The following KCNJ10 variants were observed in gnomAD, a reference collection of about 807,000 sequenced individuals.
The protein encoded by KCNJ10 is potassium inwardly rectifying channel subfamily J member 10.
KCNJ10 carries 9 observed loss-of-function variants against 22.2 expected under a neutral mutation model. That is an observed-to-expected ratio of 0.40 (90% CI 0.24 to 0.71). The LOEUF (loss-of-function observed/expected upper bound fraction) is 0.71. KCNJ10 is among the 30% of genes least tolerant of loss of function. The probability of loss-of-function intolerance (pLI) is 0.35; values close to 1 mark genes in which losing one functional copy is unlikely to be tolerated. For missense variants in KCNJ10, 337 were observed against 482.7 expected, an observed-to-expected ratio of 0.70 and a Z score of 2.83; for synonymous variants, 184 against 187.3, an observed-to-expected ratio of 0.98 and a Z score of 0.15.
intron 1 of KCNJ10, among the ~76,000 whole-genome samples, chr1:160,047,174 T>C (rs888034531): frequency 2.0e-5 from 3 of 152,252 alleles, no homozygotes; most frequent in African/African-American, 7.2e-5. Context: ...GAGTCATTTA[T>C]TCTCCAGGAT....
chr1:160,045,068 G>A (rs926020711), intron 1 of KCNJ10, among the ~76,000 whole-genome samples: 2 of 152,136 alleles, frequency 1.3e-5, no homozygotes, highest in African/African-American at 4.8e-5. Flanking sequence ...TTGACAAATC[G>A]AAGAAGTGCA....
rs1015805945 is a variant in KCNJ10 at position 160,039,734 on chromosome 1, C to G, written c.*1659G>C. On this transcript the variant is annotated 3_prime_UTR_variant, in exon 2 of 2. Coordinates refer to ENST00000644903, the MANE Select transcript of KCNJ10 (RefSeq NM_002241.5). ...AAATTTTGTGTTTCTCTGCAAGGCTCTGTACATAGATGCATGTATATATTC... is the reference window on the plus strand; with the variant it reads ...AAATTTTGTGTTTCTCTGCAAGGCTGTGTACATAGATGCATGTATATATTC... 3.9e-5 allele frequency: 6 copies of G among 152,250 alleles called. No individual in the cohort carries two copies. Among genetic ancestry groups the G allele is most frequent in the Admixed American group, 2.6e-4 (4 of 15,282 alleles). 9.4% of individuals were successfully genotyped at this position (152,250 alleles called of 1,614,324 possible). A position where few individuals can be genotyped will look rare whatever the true frequency, so the allele number is the denominator to read the frequency against.
At chr1:160,043,818 C>A (rs1037688828) in intron 1 of KCNJ10, among the ~76,000 whole-genome samples, 1 of 152,214 alleles carries the variant, frequency 6.6e-6, no homozygotes, top group Non-Finnish European at 1.5e-5. Context: ...ATACAAGGTG[C>A]CTGGCACCCT....
At position 160,041,721 on chromosome 1, in the gene KCNJ10, C is replaced by A; in HGVS notation, c.812G>T (p.Arg271Leu). 1 of 1,613,898 alleles carries A rather than the reference C, an allele frequency of 6.2e-7. No homozygotes were observed. Among genetic ancestry groups the A allele is most frequent in the Non-Finnish European group, 8.5e-7 (1 of 1,179,926 alleles). ...CAGCTCAAAGTCACCCTCACCACTG[C>A]GAAGAGGGAGATCTTTCAAGGGACT... is the stretch of plus-strand genomic sequence containing the variant. Reference protein sequence around the residue: ...ETSPLKDLPLRSGEGDFELVL... With the variant: ...ETSPLKDLPLLSGEGDFELVL... The change falls in exon 2 of 2, where the codon CGC becomes CTC. Residue 271 changes from arginine to leucine, a missense_variant. Physicochemically the swap from Arg to Leu is moderately radical, Grantham distance 102 (BLOSUM62 -2). Coordinates refer to ENST00000644903, the MANE Select transcript of KCNJ10 (RefSeq NM_002241.5). This position sits in a 1 kb window ranked among gnomAD's most constrained non-coding sequence, Gnocchi z 4.4.
At position 160,039,112 on chromosome 1, in the gene KCNJ10, G is replaced by C. The variant is rs1345857076; in HGVS notation, c.*2281C>G. 2 of 152,726 alleles carry C rather than the reference G, an allele frequency of 1.3e-5. No individual in the cohort carries two copies. The highest frequency in any genetic ancestry group is 2.4e-5 in the African/African-American group (1 of 41,444). The allele number at this position is 152,726 out of a possible 1,614,324, so 9.5% of individuals were successfully genotyped here. On this transcript the variant is annotated 3_prime_UTR_variant, in exon 2 of 2. Transcript: ENST00000644903. ...TTAAGGTAGGGGGTAGTTGTTCCCT[G>C]TAGGGGGCTTGTGGGAGAAGATGCC...
chr1:160,065,297 C>A (rs376235869), intron 1 of KCNJ10, among the ~76,000 whole-genome samples: 1 of 152,100 alleles, frequency 6.6e-6, no homozygotes, highest in Non-Finnish European at 1.5e-5. Context: ...CAAGAATAAG[C>A]GATCAGAAAT....
At chr1:160,059,166 AG>A (rs1377779692) in intron 1 of KCNJ10, among the ~76,000 whole-genome samples, 3 of 152,214 alleles carry the variant, frequency 2.0e-5, no homozygotes, top group Non-Finnish European at 4.4e-5. Context: ...ACTGCTCGTA[AG>A]GGGTGCACTG....
At chr1:160,049,990 T>G (rs1307371543) in intron 1 of KCNJ10, among the ~76,000 whole-genome samples, 1 of 151,894 alleles carries the variant, frequency 6.6e-6, no homozygotes, top group Non-Finnish European at 1.5e-5. Context: ...AATGATGTTT[T>G]CTTTTTTCCT....
In KCNJ10 at chr1:160,041,857, C is replaced by T; in HGVS notation, c.676G>A (p.Gly226Arg). ...KLLQTHQTKE[G>R]ENIRLNQVNV... ...ACCTGGTTGAGCCGGATGTTCTCCCCTTCCTTGGTTTGGTGGGTCTGAAGC... is the reference window on the plus strand; with the variant it reads ...ACCTGGTTGAGCCGGATGTTCTCCCTTTCCTTGGTTTGGTGGGTCTGAAGC... Residue 226 changes from glycine to arginine, a missense_variant, in exon 2 of 2, where the codon GGG becomes AGG. Gly to Arg is a moderately radical substitution (Grantham distance 125). Coordinates refer to ENST00000644903, the MANE Select transcript of KCNJ10 (RefSeq NM_002241.5). This position sits in a 1 kb window ranked among gnomAD's most constrained non-coding sequence, Gnocchi z 4.4. 4.3e-6 allele frequency: 7 copies of T among 1,614,232 alleles called. No individual in the cohort carries two copies. Among genetic ancestry groups the T allele is most frequent in the Non-Finnish European group, 5.9e-6 (7 of 1,180,038 alleles).
intron 1 of KCNJ10, among the ~76,000 whole-genome samples, chr1:160,064,527 T>G (rs977097101): frequency 6.6e-6 from 1 of 152,202 alleles, no homozygotes; most frequent in East Asian, 1.9e-4. Context: ...ATGCAAAAAT[T>G]AATAATTATT....
chr1:160,049,675 TTATATATATATATA>T lies in KCNJ10; in HGVS notation c.1-7157_1-7144del, dbSNP rs57790887. On this transcript the variant is annotated intron_variant, in intron 1 of 1. Coordinates refer to ENST00000644903, the MANE Select transcript of KCNJ10 (RefSeq NM_002241.5). ...AAGAAGGATCCAGCATTTTATTTAT[TTATATATATATATA>T]TATATATATATATATATATATATAT... 4.0e-3 allele frequency among the ~76,000 whole-genome samples: 188 copies of T among 47,120 alleles called. 5 individuals are homozygous for T. The highest frequency in any genetic ancestry group is 9.2e-3 in the African/African-American group (129 of 14,096). 30.9% of individuals were successfully genotyped at this position (47,120 alleles called of 152,430 possible).
At chr1:160,062,009 G>A (rs980460429) in intron 1 of KCNJ10, among the ~76,000 whole-genome samples, 2 of 151,934 alleles carry the variant, frequency 1.3e-5, no homozygotes, top group African/African-American at 2.4e-5. Context: ...ACGGAACCGA[G>A]AAGTGGGCAG....
At position 160,066,061 on chromosome 1, in the gene KCNJ10, C is replaced by T. The variant is rs79165349; in HGVS notation, c.-1+3961G>A. Among the ~76,000 whole-genome samples, 434 of 152,106 alleles carry T rather than the reference C, an allele frequency of 2.9e-3. 3 individuals are homozygous for T. Among genetic ancestry groups the T allele is most frequent in the Middle Eastern group, 0.014 (4 of 294 alleles). Reference sequence around the variant, plus strand: ...AAGAATACAAGAGCGATAGGCAGGACCATGGGAGCAGGAATGAGATGTGGG... The same window carrying T: ...AAGAATACAAGAGCGATAGGCAGGATCATGGGAGCAGGAATGAGATGTGGG... On this transcript the variant is annotated intron_variant, in intron 1 of 1. Transcript: ENST00000644903.
intron 1 of KCNJ10, among the ~76,000 whole-genome samples, chr1:160,044,461 GA>G (rs964043930): frequency 1.1e-4 from 17 of 151,422 alleles, no homozygotes; most frequent in Non-Finnish European, 2.4e-4. Flanking sequence ...TCAAACTCTT[GA>G]AAAAAAAGAT....
chr1:160,068,980 A>C (rs1433417439), intron 1 of KCNJ10, among the ~76,000 whole-genome samples: 1 of 152,150 alleles, frequency 6.6e-6, no homozygotes, highest in Non-Finnish European at 1.5e-5. Flanking sequence ...GAGAAAAAAA[A>C]TTCAAACACC....
At chr1:160,049,689 A>T (rs986817554) in intron 1 of KCNJ10, among the ~76,000 whole-genome samples, 43 of 108,532 alleles carry the variant, frequency 4.0e-4, no homozygotes, top group Non-Finnish European at 5.8e-4. Context: ...ATATATATAT[A>T]TATATATATA....
chr1:160,041,779 G>A lies in KCNJ10; in HGVS notation c.754C>T (p.Pro252Ser). 1.9e-6 allele frequency: 3 copies of A among 1,614,200 alleles called. No individual in the cohort carries two copies. Among genetic ancestry groups the A allele is most frequent in the Non-Finnish European group, 2.5e-6 (3 of 1,180,026 alleles). Residue 252 changes from proline (P) to serine (S), a missense_variant, in exon 2 of 2, where the codon CCC becomes TCC. Coordinates refer to ENST00000644903, the MANE Select transcript of KCNJ10 (RefSeq NM_002241.5). This position sits in a 1 kb window ranked among gnomAD's most constrained non-coding sequence, Gnocchi z 4.4. ...TCTACCACATGATAGAAGGTAAGGG[G>A]TAGAATAAGGAAGGGGCTGTCAGAG... Reference protein sequence around the residue: ...TASDSPFLILPLTFYHVVDET... With the variant: ...TASDSPFLILSLTFYHVVDET...
At position 160,042,227 on chromosome 1, in the gene KCNJ10, CG is replaced by C. The variant is rs765409185; in HGVS notation, c.305del (p.Pro102ArgfsTer96). On this transcript the variant is annotated frameshift_variant, in exon 2 of 2. Transcript: ENST00000644903. LOFTEE classifies it high-confidence loss of function. The part of the protein sequence containing the change: ...AHGDLLELDP[P>X]ANHTPCVVQV... ...GTACCACACAGGGGGTGTGGTTGGC[CG>C]GGGGGTCCAGCTCCAGCAGGTCCCC... The C allele has an allele frequency of 2.5e-6, 4 of 1,613,538 alleles. No individual in the cohort carries two copies. The highest frequency in any genetic ancestry group is 1.3e-5 in the African/African-American group (1 of 74,976).
At chr1:160,059,554 C>T (rs1649134111) in intron 1 of KCNJ10, among the ~76,000 whole-genome samples, 2 of 152,186 alleles carry the variant, frequency 1.3e-5, no homozygotes, top group Non-Finnish European at 2.9e-5. Flanking sequence ...CAGCCACAGC[C>T]CATTATCTTC....
Sources: gnomAD v4.1 joint callset for allele counts (sites outside exome capture counted in the v4.1 genomes callset) on GRCh38, gnomAD v4.1.1 for gene constraint, Gnocchi (gnomAD v3.1) non-coding constraint, MANE v1.5 for transcripts, NCBI Gene and HGNC (gene_info 2026-07-23, HGNC 2026-07-21) for gene names.